Variants in SMPD3 observed in about 807,000 individuals in gnomAD.
The protein encoded by SMPD3 is nSMase-2.
SMPD3 carries 21 observed loss-of-function variants against 55.7 expected under a neutral mutation model. The ratio of observed to expected loss-of-function variants is 0.38; its 90% CI spans 0.27 to 0.54. SMPD3 has a LOEUF of 0.54. SMPD3 is among the 20% of genes least tolerant of loss of function. The pLI, the probability that SMPD3 is intolerant of heterozygous loss-of-function variation, is 0.80. For synonymous variants in SMPD3, 457 were observed against 404.3 expected, an observed-to-expected ratio of 1.13 and a Z score of -1.56; for missense variants, 842 against 899.6, an observed-to-expected ratio of 0.94 and a Z score of 0.82.
In SMPD3 at chr16:68,447,074, G is replaced by T. The variant is rs2090615973; in HGVS notation, c.-269+1279C>A. 6.6e-6 allele frequency among the ~76,000 whole-genome samples: 1 copy of T among 151,788 alleles called. No individual in the cohort carries two copies. The highest frequency in any genetic ancestry group is 1.5e-5 in the Non-Finnish European group (1 of 67,916). On this transcript the variant is annotated intron_variant, in intron 1 of 8. Transcript: ENST00000219334. The surrounding 1 kb of genome is among the most constrained non-coding windows in gnomAD (Gnocchi z 5.1). ...TTTCCGTGGAAGCTGCCCGCGCCGC[G>T]CCCGAAGCCCCCCCTCCGCGGCCGC...
intron 1 of SMPD3, among the ~76,000 whole-genome samples, chr16:68,445,636 T>C (rs1005466843): frequency 2.0e-5 from 3 of 152,228 alleles, no homozygotes; most frequent in African/African-American, 7.2e-5. Flanking sequence ...GTTTAACCTC[T>C]TTCCAGCAGA....
rs940288036 is a variant in SMPD3 at position 68,361,125 on chromosome 16, C to T, written c.*81G>A. Reference sequence around the variant, plus strand: ...GTCCCTGCCCTCCTCCCCCAAGCACCGGGCACTCGATGGAGGGGACATGGC... The same window carrying T: ...GTCCCTGCCCTCCTCCCCCAAGCACTGGGCACTCGATGGAGGGGACATGGC... On this transcript the variant is annotated 3_prime_UTR_variant, in exon 9 of 9. Transcript: ENST00000219334. The T allele has an allele frequency of 2.2e-4, 294 of 1,310,718 alleles. 1 individual carries two copies. In the East Asian group the frequency reaches 3.2e-3, roughly 14 times the overall value. 81.2% of individuals were successfully genotyped at this position (1,310,718 alleles called of 1,614,324 possible).
chr16:68,395,082 C>A, intron 1 of SMPD3, among the ~76,000 whole-genome samples: 1 of 146,178 alleles, frequency 6.8e-6, no homozygotes, highest in Non-Finnish European at 1.5e-5. Context: ...CCTAAGGGGG[C>A]TGGAATTGGA....
At chr16:68,407,775 G>A (rs1283231008) in intron 1 of SMPD3, among the ~76,000 whole-genome samples, 2 of 152,086 alleles carry the variant, frequency 1.3e-5, no homozygotes, top group African/African-American at 2.4e-5. Context: ...GCTGGTGTGC[G>A]AACTCTTAAC....
intron 2 of SMPD3, among the ~76,000 whole-genome samples, chr16:68,374,792 A>G (rs556768150): frequency 4.6e-5 from 7 of 152,152 alleles, no homozygotes; most frequent in African/African-American, 1.7e-4. Flanking sequence ...CTGGACTGAC[A>G]TCCACAGGAG....
intron 1 of SMPD3, among the ~76,000 whole-genome samples, chr16:68,405,868 C>A (rs927926637): frequency 2.6e-5 from 4 of 152,142 alleles, no homozygotes; most frequent in African/African-American, 9.7e-5. Flanking sequence ...TGAGCCTGAT[C>A]CCTGGAGTGG....
At chr16:68,407,904 T>C (rs2090266653) in intron 1 of SMPD3, among the ~76,000 whole-genome samples, 1 of 152,234 alleles carries the variant, frequency 6.6e-6, no homozygotes, top group Non-Finnish European at 1.5e-5. Flanking sequence ...AAAAAAGTAC[T>C]TTCTTTTAAA....
intron 1 of SMPD3, among the ~76,000 whole-genome samples, chr16:68,419,912 C>T (rs569600430): frequency 2.0e-5 from 3 of 151,752 alleles, no homozygotes; most frequent in African/African-American, 7.3e-5. Flanking sequence ...TGTTCTTGGG[C>T]TCCCTCATCT....
At chr16:68,374,733 C>G (rs923342423) in intron 2 of SMPD3, among the ~76,000 whole-genome samples, 2 of 152,228 alleles carry the variant, frequency 1.3e-5, no homozygotes, top group African/African-American at 4.8e-5. Flanking sequence ...GGTTCCCCCC[C>G]AGCAAACCTG....
At position 68,447,801 on chromosome 16, in the gene SMPD3, G is replaced by A. The variant is rs2090622048; in HGVS notation, c.-269+552C>T. Among the ~76,000 whole-genome samples, 1 of 152,094 alleles carries A rather than the reference G, an allele frequency of 6.6e-6. No individual in the cohort carries two copies. Among genetic ancestry groups the A allele is most frequent in the South Asian group, 2.1e-4 (1 of 4,820 alleles). On this transcript the variant is annotated intron_variant, in intron 1 of 8. Coordinates refer to ENST00000219334, the MANE Select transcript of SMPD3 (RefSeq NM_018667.4). The surrounding 1 kb of genome is among the most constrained non-coding windows in gnomAD (Gnocchi z 5.1). The stretch of plus-strand genomic sequence containing the variant: ...AAAACCCTAGGGCCAAGGGAGGAGG[G>A]GGGAATAGGGAGGGGGGCGAGTGTG...
At chr16:68,381,068 C>T (rs997174296) in intron 2 of SMPD3, among the ~76,000 whole-genome samples, 2 of 152,234 alleles carry the variant, frequency 1.3e-5, no homozygotes, top group African/African-American at 4.8e-5. Context: ...AAAATTTATG[C>T]AGACCTTAAG....
intron 2 of SMPD3, among the ~76,000 whole-genome samples, chr16:68,377,914 C>G (rs927278525): frequency 6.6e-6 from 1 of 152,168 alleles, no homozygotes; most frequent in Non-Finnish European, 1.5e-5. Flanking sequence ...TGTGAGGAAG[C>G]CTACAGCATT....
rs368020027 is a variant in SMPD3 at position 68,371,443 on chromosome 16, T to A, written c.739A>T (p.Ile247Phe). The part of the protein sequence containing the change: ...SSPEDACIVR[I>F]GGEEGGRPPE... The stretch of plus-strand genomic sequence containing the variant: ...GGCCGGCCGCCCTCCTCGCCACCGA[T>A]GCGCACGATGCAGGCATCCTCCGGG... The change falls in exon 3 of 9, where the codon ATC becomes TTC. Residue 247 changes from isoleucine to phenylalanine, a missense_variant. Ile to Phe is a conservative substitution (Grantham distance 21). Around this residue, in one of 2 missense-constraint regions of SMPD3, gnomAD observed 649 missense variants for 643.6 expected, o/e 1.01. Transcript: ENST00000219334. 1 of 1,586,280 alleles carries A rather than the reference T, an allele frequency of 6.3e-7. No individual in the cohort carries two copies.
In SMPD3 at chr16:68,358,371, T is replaced by A. The variant is rs1310741564; in HGVS notation, c.*2835A>T. The stretch of plus-strand genomic sequence containing the variant: ...TTTCTCCTCGTTATCCATCCTTCCT[T>A]TCAGCACCAGTAAGGAAAAAGAACA... On this transcript the variant is annotated 3_prime_UTR_variant, in exon 9 of 9. Coordinates refer to ENST00000219334, the MANE Select transcript of SMPD3 (RefSeq NM_018667.4). 6.5e-6 allele frequency: 1 copy of A among 152,728 alleles called. No individual in the cohort carries two copies. The highest frequency in any genetic ancestry group is 2.4e-5 in the African/African-American group (1 of 41,472). The allele number at this position is 152,728 out of a possible 1,614,324, so 9.5% of individuals were successfully genotyped here.
rs2089225710 is a variant in SMPD3, at chr16:68,360,968, G to C, written c.*238C>G. On this transcript the variant is annotated 3_prime_UTR_variant, in exon 9 of 9. Coordinates refer to ENST00000219334, the MANE Select transcript of SMPD3 (RefSeq NM_018667.4). ...CTGTAGATTTGTAGAAAATCGTGTT[G>C]TGAAAGAATGGCACTGGTTAGGCAG... 1.2e-5 allele frequency: 6 copies of C among 520,074 alleles called. No individual in the cohort carries two copies. Among genetic ancestry groups the C allele is most frequent in the Non-Finnish European group, 2.0e-5 (6 of 292,714 alleles). 32.2% of individuals were successfully genotyped at this position (520,074 alleles called of 1,614,324 possible).
chr16:68,446,126 C>T (rs1036894465), intron 1 of SMPD3, among the ~76,000 whole-genome samples: 4 of 152,170 alleles, frequency 2.6e-5, no homozygotes, highest in South Asian at 2.1e-4. Flanking sequence ...TGCCAAGCCT[C>T]ACTTGGAAAC....
In SMPD3 at chr16:68,371,946, A is replaced by G; in HGVS notation, c.236T>C (p.Phe79Ser). ...TGGGGACCAGAAGAGAAAGCCGAGA[A>G]ACGCAAAGGGCAGCGAGGCCACCAG... The part of the protein sequence containing the change: ...ALLVASLPFA[F>S]LGFLFWSPLQ... Residue 79 changes from phenylalanine (F) to serine (S), a missense_variant, in exon 3 of 9, where the codon TTT becomes TCT. Transcript: ENST00000219334. 6.2e-7 allele frequency: 1 copy of G among 1,612,140 alleles called. No homozygotes were observed. Among genetic ancestry groups the G allele is most frequent in the Non-Finnish European group, 8.5e-7 (1 of 1,179,674 alleles).
intron 1 of SMPD3, among the ~76,000 whole-genome samples, chr16:68,409,883 C>A (rs1013539974): frequency 6.6e-6 from 1 of 152,224 alleles, no homozygotes; most frequent in African/African-American, 2.4e-5. Context: ...TGAGCCACCG[C>A]GCCCAGCCAA....
Position 68,363,541 on chromosome 16 carries a change from T to C in SMPD3, c.1664A>G (p.Asn555Ser). Reference sequence around the variant, plus strand: ...GCACACATCCTCATCGTACAGGCCGTTCGTGTCCAGCAGAGTACCTGGGGG... The same window carrying C: ...GCACACATCCTCATCGTACAGGCCGCTCGTGTCCAGCAGAGTACCTGGGGG... Reference protein sequence around the residue: ...PWAIGTLLDTNGLYDEDVCTP... With the variant: ...PWAIGTLLDTSGLYDEDVCTP... The change falls in exon 7 of 9, where the codon AAC becomes AGC. Residue 555 changes from asparagine (N) to serine (S), a missense_variant. This residue lies in a region of SMPD3 where 649 missense variants were observed against 643.6 expected (regional missense o/e 1.01). Transcript: ENST00000219334. 1.2e-6 allele frequency: 2 copies of C among 1,613,824 alleles called. No individual in the cohort carries two copies. The highest frequency in any genetic ancestry group is 2.2e-5 in the South Asian group (2 of 91,072).
Sources: allele counts gnomAD v4.1 joint callset (sites outside exome capture counted in the v4.1 genomes callset), GRCh38; gene constraint gnomAD v4.1.1; regional missense constraint gnomAD v4.1.1; non-coding constraint Gnocchi (gnomAD v3.1); transcripts MANE v1.5; gene names NCBI Gene and HGNC (gene_info 2026-07-23, HGNC 2026-07-21).